Variants in DPF3 observed in about 807,000 individuals in gnomAD.
DPF3 encodes the protein double PHD fingers 3.
In DPF3, 18 loss-of-function variants were observed where a neutral mutation model predicts 56.8. The ratio of observed to expected loss-of-function variants is 0.32; its 90% CI spans 0.22 to 0.47. The LOEUF (loss-of-function observed/expected upper bound fraction) is 0.47, where lower values mean the gene tolerates loss of function less well. DPF3 is among the 20% of genes least tolerant of loss of function. DPF3 has a pLI of 1.00. For synonymous variants in DPF3, 188 were observed against 180.2 expected (o/e 1.04, Z -0.35); for missense variants, 403 against 488.8 (o/e 0.82, Z 1.65).
At chr14:72,750,804 A>AAC (rs1394552083) in intron 3 of DPF3, among the ~76,000 whole-genome samples, 2 of 150,784 alleles carry the variant, frequency 1.3e-5, no homozygotes, top group African/African-American at 2.4e-5. Flanking sequence ...AAAAAAAAAA[A>AAC]AAAAAAAAAA....
At chr14:72,636,393 C>T (rs1347521956) in intron 8 of DPF3, among the ~76,000 whole-genome samples, 1 of 152,156 alleles carries the variant, frequency 6.6e-6, no homozygotes, top group Non-Finnish European at 1.5e-5. Flanking sequence ...GGGAAGCCAT[C>T]TCATTCAATC....
At chr14:72,815,005 T>C (rs1038828862) in intron 1 of DPF3, among the ~76,000 whole-genome samples, 8 of 152,178 alleles carry the variant, frequency 5.3e-5, no homozygotes, top group African/African-American at 1.7e-4. Flanking sequence ...ACATTTTAAA[T>C]GTCTACTCTT....
At chr14:72,801,421 C>T (rs1484765194) in intron 1 of DPF3, among the ~76,000 whole-genome samples, 1 of 152,200 alleles carries the variant, frequency 6.6e-6, no homozygotes, top group Non-Finnish European at 1.5e-5. Context: ...GTCCCTCAGC[C>T]ACCTGGCTGA....
chr14:72,681,324 A>G (rs993534294), intron 7 of DPF3, among the ~76,000 whole-genome samples: 4 of 152,144 alleles, frequency 2.6e-5, no homozygotes, highest in African/African-American at 7.2e-5. Flanking sequence ...CCCCTTGGAG[A>G]GAAGAAAGCT....
chr14:72,800,505 C>CATGG (rs1454284803), intron 1 of DPF3, among the ~76,000 whole-genome samples: 2 of 143,540 alleles, frequency 1.4e-5, no homozygotes, highest in Non-Finnish European at 3.0e-5. Flanking sequence ...TGGATGGATG[C>CATGG]ATGGATGGAT....
intron 2 of DPF3, among the ~76,000 whole-genome samples, chr14:72,764,729 G>C (rs1163781290): frequency 1.3e-5 from 2 of 151,990 alleles, no homozygotes; most frequent in Non-Finnish European, 2.9e-5. Context: ...CTGACCTCAT[G>C]ATCCACCCGC....
In DPF3 at chr14:72,861,011, T is replaced by C. The variant is rs564343876; in HGVS notation, c.32+33046A>G. On this transcript the variant is annotated intron_variant, in intron 1 of 10. Transcript: ENST00000556509. ...ACCCTTTTTGTAGCCTGTGCTTTCT[T>C]ATCTGTTCTCACTATACACACACAC... 9.2e-5 allele frequency among the ~76,000 whole-genome samples: 14 copies of C among 151,502 alleles called. No individual in the cohort carries two copies. The East Asian group carries it at 2.7e-3, about 30-fold the overall frequency.
At chr14:72,662,959 A>C in intron 8 of DPF3, 2 of 666,778 alleles carry the variant, frequency 3.0e-6, no homozygotes, top group Non-Finnish European at 3.7e-6. Context: ...AAGAAGAAGA[A>C]AGAAAGAAAA....
At chr14:72,867,981 T>C (rs1183508617) in intron 1 of DPF3, among the ~76,000 whole-genome samples, 2 of 152,112 alleles carry the variant, frequency 1.3e-5, no homozygotes, top group South Asian at 2.1e-4. Flanking sequence ...ACTCAAGCAA[T>C]GTGGCTGCCT....
intron 9 of DPF3, among the ~76,000 whole-genome samples, chr14:72,625,387 C>T (rs184002598): frequency 5.3e-5 from 8 of 152,268 alleles, no homozygotes; most frequent in Non-Finnish European, 4.4e-5. Flanking sequence ...CGGGTTCCTT[C>T]AAGTTGCTTC....
chr14:72,845,476 G>A (rs1884712575), intron 1 of DPF3, among the ~76,000 whole-genome samples: 1 of 152,106 alleles, frequency 6.6e-6, no homozygotes, highest in African/African-American at 2.4e-5. Flanking sequence ...TTACCTCCTG[G>A]CCCACTCCTG....
chr14:72,652,871 C>T (rs1043755701), intron 8 of DPF3, among the ~76,000 whole-genome samples: 3 of 152,062 alleles, frequency 2.0e-5, no homozygotes, highest in Non-Finnish European at 4.4e-5. Flanking sequence ...CTGTACAAGG[C>T]CCAGGTGCTG....
chr14:72,823,174 G>A (rs1053256316), intron 1 of DPF3, among the ~76,000 whole-genome samples: 6 of 152,194 alleles, frequency 3.9e-5, no homozygotes, highest in Admixed American at 2.6e-4. Flanking sequence ...TTTCAAAATG[G>A]CAGCTAGCTG....
At chr14:72,620,705 T>C (rs1007179684) in intron 9 of DPF3, among the ~76,000 whole-genome samples, 2 of 152,222 alleles carry the variant, frequency 1.3e-5, no homozygotes, top group Non-Finnish European at 2.9e-5. Context: ...AAGCACTTCT[T>C]TTCCACAAAG....
intron 1 of DPF3, among the ~76,000 whole-genome samples, chr14:72,873,872 A>G (rs1433453736): frequency 6.6e-6 from 1 of 150,894 alleles, no homozygotes; most frequent in African/African-American, 2.4e-5. Flanking sequence ...GAACTGAACA[A>G]TGAGAACACA....
At chr14:72,716,854 C>A (rs989319146) in intron 5 of DPF3, among the ~76,000 whole-genome samples, 1 of 152,164 alleles carries the variant, frequency 6.6e-6, no homozygotes, top group Non-Finnish European at 1.5e-5. Context: ...ACACCCTAAT[C>A]CAGGAGCTCA....
At chr14:72,747,019 T>G (rs1310512672) in intron 3 of DPF3, among the ~76,000 whole-genome samples, 2 of 152,146 alleles carry the variant, frequency 1.3e-5, no homozygotes, top group Non-Finnish European at 2.9e-5. Context: ...AAAGTAAATG[T>G]TTTTAGGCAG....
chr14:72,619,551 G>A (rs1645284742), intron 10 of DPF3, among the ~76,000 whole-genome samples, 184 bp from the exon 11 acceptor site: 1 of 152,218 alleles, frequency 6.6e-6, no homozygotes. Flanking sequence ...GAGGAGATGG[G>A]CTCAACTCTT....
rs576031948 is a variant in DPF3 at position 72,616,822 on chromosome 14, T to C, written c.*2475A>G. On this transcript the variant is annotated 3_prime_UTR_variant, in exon 11 of 11. Transcript: ENST00000556509. ...AAAGTTTACCAACCCCGTCCTCTTT[T>C]GAACACAGAGGTGATAAATGTGACC... Among the ~76,000 whole-genome samples the C allele has an allele frequency of 3.3e-5, 5 of 152,332 alleles. No homozygotes were observed. The highest frequency in any genetic ancestry group is 3.3e-4 in the Admixed American group (5 of 15,304).
Sources: allele counts gnomAD v4.1 joint callset (sites outside exome capture counted in the v4.1 genomes callset), GRCh38; gene constraint gnomAD v4.1.1; transcripts MANE v1.5; gene names NCBI Gene and HGNC (gene_info 2026-07-23, HGNC 2026-07-21).